PVT1: variants seen among roughly 807,000 people sequenced by gnomAD.
The protein encoded by PVT1 is CXCR4/PVT1 fusion.
chr8:127,958,925 C>T (rs1400451014), intron 3 of PVT1, among the ~76,000 whole-genome samples: 1 of 152,010 alleles, frequency 6.6e-6, no homozygotes, highest in Admixed American at 6.5e-5. Context: ...TGGATACTAT[C>T]GAAGGGGAGT....
At chr8:127,970,289 GTT>G (rs68010926) in intron 3 of PVT1, among the ~76,000 whole-genome samples, 4 of 49,116 alleles carry the variant, frequency 8.1e-5, no homozygotes, top group African/African-American at 8.5e-5. Flanking sequence ...GCCATGATTT[GTT>G]TTTTTTTTTT....
intron 3 of PVT1, among the ~76,000 whole-genome samples, chr8:127,922,986 G>T (rs1378088778): frequency 6.6e-6 from 1 of 152,182 alleles, no homozygotes; most frequent in Non-Finnish European, 1.5e-5. Flanking sequence ...AAACTGCTAA[G>T]CCCTGACCCA....
chr8:127,868,803 G>T (rs199925288), intron 2 of PVT1, among the ~76,000 whole-genome samples: 1 of 54,626 alleles, frequency 1.8e-5, no homozygotes, highest in Non-Finnish European at 3.3e-5. Flanking sequence ...ACATATATAT[G>T]TACATATATA....
intron 3 of PVT1, among the ~76,000 whole-genome samples, chr8:127,948,996 C>T (rs1285020780): frequency 3.3e-5 from 5 of 152,226 alleles, no homozygotes; most frequent in Non-Finnish European, 5.9e-5. Context: ...CGACTTTCAT[C>T]GGAGGCTCAC....
At chr8:128,090,866 G>T (rs1163836298) in intron 5 of PVT1, among the ~76,000 whole-genome samples, 1 of 151,604 alleles carries the variant, frequency 6.6e-6, no homozygotes, top group African/African-American at 2.4e-5. Context: ...TTTTTCTATT[G>T]CCACATGCCC....
chr8:128,029,988 C>A (rs915577123), intron 4 of PVT1, among the ~76,000 whole-genome samples: 6 of 152,026 alleles, frequency 3.9e-5, no homozygotes, highest in African/African-American at 1.5e-4. Context: ...GTGGTGGGCA[C>A]CTGCAGTTTC....
chr8:127,906,849 T>C (rs1025168064), intron 3 of PVT1, among the ~76,000 whole-genome samples: 1 of 152,136 alleles, frequency 6.6e-6, no homozygotes, highest in Non-Finnish European at 1.5e-5. Context: ...GATGTAAATG[T>C]CATATCACCT....
chr8:128,076,626 A>G (rs1467414743), intron 5 of PVT1, among the ~76,000 whole-genome samples: 1 of 152,042 alleles, frequency 6.6e-6, no homozygotes, highest in Non-Finnish European at 1.5e-5. Flanking sequence ...CGAGTCGCTT[A>G]CCTTCTCTGG....
At chr8:127,856,423 C>A (rs1419978248) in intron 2 of PVT1, among the ~76,000 whole-genome samples, 1 of 151,190 alleles carries the variant, frequency 6.6e-6, no homozygotes, top group Non-Finnish European at 1.5e-5. Context: ...CTCACTGTAA[C>A]CTCCGCCTCC....
At position 127,961,844 on chromosome 8, in the gene PVT1, C is replaced by T. The variant is rs569687830; in HGVS notation, n.783-27318C>T. On this transcript the variant is annotated intron_variant and non_coding_transcript_variant, in intron 3 of 10. Transcript: ENST00000651587. ...AGGAGCTCCAGAGGCCCCCCCTGCC[C>T]GAGTCTGACTCCTGGTTTCTGGCTT... is the stretch of plus-strand genomic sequence containing the variant. Among the ~76,000 whole-genome samples the T allele has an allele frequency of 2.6e-4, 40 of 152,328 alleles. No homozygotes were observed. In the East Asian group the frequency reaches 6.6e-3, roughly 25 times the overall value.
chr8:127,968,445 G>A (rs956795408), intron 3 of PVT1, among the ~76,000 whole-genome samples: 1 of 152,164 alleles, frequency 6.6e-6, no homozygotes, highest in Admixed American at 6.5e-5. Context: ...AGACAGCACT[G>A]ACGTGGATGC....
At chr8:128,068,968 G>GCTGTGTGA (rs1413749089) in intron 4 of PVT1, among the ~76,000 whole-genome samples, 1 of 152,234 alleles carries the variant, frequency 6.6e-6, no homozygotes, top group African/African-American at 2.4e-5. Context: ...AAATGAGAAA[G>GCTGTGTGA]CTGTGTGACA....
At chr8:128,052,784 A>G (rs184006084) in intron 4 of PVT1, among the ~76,000 whole-genome samples, 265 of 152,340 alleles carry the variant, frequency 1.7e-3, no homozygotes, top group African/African-American at 6.0e-3. Flanking sequence ...TAAGTTCTTT[A>G]TGTTTACCAA....
intron 3 of PVT1, among the ~76,000 whole-genome samples, chr8:127,944,262 A>AT (rs1205109957): frequency 6.6e-6 from 1 of 152,018 alleles, no homozygotes; most frequent in Non-Finnish European, 1.5e-5. Context: ...CCATTTGACT[A>AT]TTTTTTCTGC....
In PVT1 at chr8:127,939,238, G is replaced by A. The variant is rs184030387; in HGVS notation, n.782+48240G>A. On this transcript the variant is annotated intron_variant and non_coding_transcript_variant, in intron 3 of 10. Transcript: ENST00000651587. The stretch of plus-strand genomic sequence containing the variant: ...GCTCCATGTACAAAGGTGGGGCTGT[G>A]GCCCTTTCCCAACCAGCACCTTGGC... Among the ~76,000 whole-genome samples the A allele has an allele frequency of 2.6e-5, 4 of 152,260 alleles. No homozygotes were observed. The East Asian group carries it at 7.7e-4, about 29-fold the overall frequency.
intron 2 of PVT1, among the ~76,000 whole-genome samples, chr8:127,829,224 C>T (rs1368668616): frequency 4.6e-5 from 7 of 152,096 alleles, no homozygotes. Flanking sequence ...TTGCAGTGAG[C>T]CAAGATCACG....
In PVT1 at chr8:128,027,577, A is replaced by T. The variant is rs540506235; in HGVS notation, n.912+38286A>T. On this transcript the variant is annotated intron_variant and non_coding_transcript_variant, in intron 4 of 10. Coordinates refer to ENST00000651587, the Ensembl canonical transcript of PVT1. Reference sequence around the variant, plus strand: ...AGAGTCAGTGATGGAATCACCAGGGAGCCCAGGCATCGTGTCTATGCTCTG... The same window carrying T: ...AGAGTCAGTGATGGAATCACCAGGGTGCCCAGGCATCGTGTCTATGCTCTG... Among the ~76,000 whole-genome samples the T allele has an allele frequency of 5.9e-5, 9 of 152,270 alleles. No individual in the cohort carries two copies. The East Asian group carries it at 1.7e-3, about 29-fold the overall frequency.
At chr8:127,943,314 C>A (rs1282386841) in intron 3 of PVT1, among the ~76,000 whole-genome samples, 2 of 152,196 alleles carry the variant, frequency 1.3e-5, no homozygotes, top group Non-Finnish European at 2.9e-5. Context: ...TTTATTCTGG[C>A]CAGCCCTGGT....
chr8:128,004,843 T>A (rs1817227169), intron 4 of PVT1, among the ~76,000 whole-genome samples: 1 of 152,184 alleles, frequency 6.6e-6, no homozygotes, highest in African/African-American at 2.4e-5. Context: ...TGAAATTGAT[T>A]ATAAAATACA....
Sources: gnomAD v4.1 joint callset for allele counts (sites outside exome capture counted in the v4.1 genomes callset) on GRCh38, gnomAD v4.1.1 for gene constraint, MANE v1.5 for transcripts, NCBI Gene and HGNC (gene_info 2026-07-23, HGNC 2026-07-21) for gene names.